Variants in VAT1L observed in about 807,000 individuals in gnomAD.
VAT1L encodes vesicle amine transport 1 like.
In VAT1L, 34 loss-of-function variants were observed where a neutral mutation model predicts 44.1. That is an observed-to-expected ratio of 0.77 (90% confidence interval 0.59 to 1.03). The LOEUF (loss-of-function observed/expected upper bound fraction) is 1.03, where lower values mean the gene tolerates loss of function less well. Ranked by LOEUF, VAT1L falls within the 50% of genes least tolerant of loss-of-function variation. The pLI is 0.00. For synonymous variants in VAT1L, 253 were observed against 202.2 expected (o/e 1.25, Z -2.13); for missense variants, 615 against 538.8 (o/e 1.14, Z -1.40).
At chr16:77,958,919 G>C (rs1327247404) in intron 7 of VAT1L, among the ~76,000 whole-genome samples, 1 of 152,168 alleles carries the variant, frequency 6.6e-6, no homozygotes, top group East Asian at 1.9e-4. Context: ...CTGTTGCCAA[G>C]TAGGTACTTC....
intron 3 of VAT1L, among the ~76,000 whole-genome samples, chr16:77,839,553 A>AAG (rs1567483788): frequency 1.4e-5 from 2 of 143,748 alleles, no homozygotes; most frequent in African/African-American, 5.1e-5. Flanking sequence ...AAAAAAAAAA[A>AAG]AAAAAAAAAA....
At chr16:77,840,323 G>C (rs1025406198) in intron 3 of VAT1L, among the ~76,000 whole-genome samples, 1 of 152,178 alleles carries the variant, frequency 6.6e-6, no homozygotes, top group African/African-American at 2.4e-5. Context: ...CACGTGAATG[G>C]TTATTTCGAA....
chr16:77,924,605 C>T (rs75076801), intron 7 of VAT1L, among the ~76,000 whole-genome samples: 3,094 of 152,182 alleles, frequency 0.02, 88 homozygotes, highest in African/African-American at 0.07. Context: ...GGATTACATA[C>T]GTATGCCACC....
chr16:77,833,634 C>T (rs1306275016), intron 3 of VAT1L, among the ~76,000 whole-genome samples: 1 of 151,988 alleles, frequency 6.6e-6, no homozygotes, highest in African/African-American at 2.4e-5. Context: ...GCCTGTAATC[C>T]CAGCTACTAG....
chr16:77,853,815 C>T (rs2016830275), intron 3 of VAT1L, among the ~76,000 whole-genome samples: 1 of 152,072 alleles, frequency 6.6e-6, no homozygotes, highest in South Asian at 2.1e-4. Context: ...ACCAAGTCTT[C>T]TCAAAGAATA....
chr16:77,865,069 G>A (rs2016958544), intron 4 of VAT1L, among the ~76,000 whole-genome samples: 1 of 150,022 alleles, frequency 6.7e-6, no homozygotes, highest in Non-Finnish European at 1.5e-5. Context: ...CACCTCCTGG[G>A]TTCACGCCAT....
At chr16:77,864,967 C>CTTTTTTTT (rs869037679) in intron 4 of VAT1L, among the ~76,000 whole-genome samples, 4 of 95,380 alleles carry the variant, frequency 4.2e-5, no homozygotes, top group Non-Finnish European at 7.7e-5. Flanking sequence ...TCTTCTTATC[C>CTTTTTTTT]TTTTTTTTTT....
intron 7 of VAT1L, among the ~76,000 whole-genome samples, chr16:77,927,232 G>GGAGGCT (rs1313600693): frequency 2.0e-5 from 3 of 151,850 alleles, no homozygotes; most frequent in African/African-American, 7.2e-5. Flanking sequence ...CAGCTAGTCA[G>GGAGGCT]GAGGCTGAGG....
intron 1 of VAT1L, among the ~76,000 whole-genome samples, chr16:77,790,163 A>G (rs1293558715): frequency 6.6e-6 from 1 of 152,176 alleles, no homozygotes; most frequent in Non-Finnish European, 1.5e-5. Context: ...TTCATCGGCC[A>G]GATTAGAAAG....
chr16:77,846,159 G>A (rs1192943483), intron 3 of VAT1L, among the ~76,000 whole-genome samples: 2 of 152,142 alleles, frequency 1.3e-5, no homozygotes, highest in Non-Finnish European at 2.9e-5. Flanking sequence ...CACAGGGGGA[G>A]GATACATTAG....
chr16:77,852,003 G>A (rs913079901), intron 3 of VAT1L, among the ~76,000 whole-genome samples: 4 of 152,152 alleles, frequency 2.6e-5, no homozygotes, highest in Non-Finnish European at 4.4e-5. Flanking sequence ...CTGTTCCTGC[G>A]TGTTCAAGGC....
chr16:77,949,114 T>G (rs1279761689), intron 7 of VAT1L, among the ~76,000 whole-genome samples: 2 of 152,128 alleles, frequency 1.3e-5, no homozygotes, highest in Admixed American at 6.5e-5. Context: ...GCTGGGACCT[T>G]CAGAGAACAA....
At chr16:77,824,618 T>C (rs370330418) in intron 2 of VAT1L, among the ~76,000 whole-genome samples, 1 of 151,420 alleles carries the variant, frequency 6.6e-6, no homozygotes, top group East Asian at 2.0e-4. Flanking sequence ...TAGCCGGGCA[T>C]GGTGACAGGC....
At chr16:77,844,343 A>G (rs1472381273) in intron 3 of VAT1L, among the ~76,000 whole-genome samples, 2 of 152,188 alleles carry the variant, frequency 1.3e-5, no homozygotes, top group African/African-American at 4.8e-5. Flanking sequence ...TAATCTAGAG[A>G]TGATTTAAAG....
At chr16:77,931,857 G>C (rs896175301) in intron 7 of VAT1L, among the ~76,000 whole-genome samples, 1 of 152,146 alleles carries the variant, frequency 6.6e-6, no homozygotes, top group African/African-American at 2.4e-5. Context: ...AATCACCTAA[G>C]CAACTATGTG....
At position 77,885,266 on chromosome 16, in the gene VAT1L, G is replaced by A. The variant is rs752535848; in HGVS notation, c.1077+464G>A. On this transcript the variant is annotated intron_variant, in intron 7 of 8. Coordinates refer to ENST00000302536, the MANE Select transcript of VAT1L (RefSeq NM_020927.3). ...TGGACTTTGGAATTACTGCTGAATT[G>A]TTGGGTCTAAAGTTGGATTGAGTCT... is the stretch of plus-strand genomic sequence containing the variant. Among the ~76,000 whole-genome samples, 5 of 152,314 alleles carry A rather than the reference G, an allele frequency of 3.3e-5. No homozygotes were observed. In the East Asian group the frequency reaches 9.6e-4, roughly 29 times the overall value.
intron 7 of VAT1L, among the ~76,000 whole-genome samples, chr16:77,926,813 G>A (rs116269974): frequency 0.032 from 4,904 of 152,016 alleles, 148 homozygotes; most frequent in East Asian, 0.11. Flanking sequence ...GTCCCATTCC[G>A]CTTGCAGTCT....
At chr16:77,827,482 G>T (rs990747588) in intron 3 of VAT1L, among the ~76,000 whole-genome samples, 1 of 152,162 alleles carries the variant, frequency 6.6e-6, no homozygotes, top group Non-Finnish European at 1.5e-5. Context: ...AGTTTTTATC[G>T]TGCTCTATTC....
chr16:77,978,812 C>T lies in VAT1L; in HGVS notation c.*1117C>T, dbSNP rs1421330432. ...GAAACCAAGGAACAAGCCACCTGCT[C>T]ACACACCTTGTTCAACTTTTCAGCT... is the stretch of plus-strand genomic sequence containing the variant. On this transcript the variant is annotated 3_prime_UTR_variant, in exon 9 of 9. Transcript: ENST00000302536. 1 of 152,298 alleles carries T rather than the reference C, an allele frequency of 6.6e-6. No individual in the cohort carries two copies. Among genetic ancestry groups the T allele is most frequent in the Non-Finnish European group, 1.5e-5 (1 of 68,104 alleles). The allele number at this position is 152,298 out of a possible 1,614,324, so 9.4% of individuals were successfully genotyped here.
Sources: gnomAD v4.1 joint callset for allele counts (sites outside exome capture counted in the v4.1 genomes callset) on GRCh38, gnomAD v4.1.1 for gene constraint, MANE v1.5 for transcripts, NCBI Gene and HGNC (gene_info 2026-07-23, HGNC 2026-07-21) for gene names.